FER: variants seen among roughly 807,000 people sequenced by gnomAD.
The protein encoded by FER is tyrosine-protein kinase Fer.
A neutral mutation model predicts 111.0 loss-of-function variants in FER; 63 were observed. The observed-to-expected ratio is 0.57, with a 90% CI of 0.46 to 0.70. The LOEUF is 0.70. FER is among the 30% of genes least tolerant of loss of function. FER has a pLI of 0.00. For synonymous variants in FER, 327 were observed against 313.9 expected (o/e 1.04, Z -0.44); for missense variants, 914 against 954.0 (o/e 0.96, Z 0.55).
At chr5:108,813,888 CT>C (rs1040042629) in intron 3 of FER, among the ~76,000 whole-genome samples, 2 of 152,104 alleles carry the variant, frequency 1.3e-5, no homozygotes, top group Admixed American at 6.5e-5. Flanking sequence ...CAAAACTCAA[CT>C]TTTCCTTTTG....
intron 5 of FER, among the ~76,000 whole-genome samples, chr5:108,844,992 GTGTGTA>G (rs1188750838): frequency 4.1e-3 from 158 of 38,182 alleles, no homozygotes; most frequent in South Asian, 6.7e-3. Flanking sequence ...TGGTGTGTGT[GTGTGTA>G]TATATATATA....
intron 3 of FER, among the ~76,000 whole-genome samples, chr5:108,800,260 TTC>T (rs1756491946): frequency 1.3e-5 from 2 of 152,366 alleles, no homozygotes; most frequent in South Asian, 4.1e-4. Context: ...GTCACATAGT[TTC>T]TGTTTTCTTT....
At chr5:108,822,940 G>A (rs546762052) in intron 3 of FER, among the ~76,000 whole-genome samples, 79 of 151,996 alleles carry the variant, frequency 5.2e-4, no homozygotes, top group African/African-American at 1.7e-3. Context: ...GCGCCATCTC[G>A]GCTCACTGCA....
chr5:109,079,835 A>G lies in FER; in HGVS notation c.1925-20561A>G, dbSNP rs574734842. ...GCTGTCAGACATCATAGCCAAGCCAATGCCAACCCCACAGTTCTCTCCTAA... is the reference window on the plus strand; with the variant it reads ...GCTGTCAGACATCATAGCCAAGCCAGTGCCAACCCCACAGTTCTCTCCTAA... On this transcript the variant is annotated intron_variant, in intron 16 of 19. Coordinates refer to ENST00000281092, the MANE Select transcript of FER (RefSeq NM_005246.4). 2.0e-5 allele frequency among the ~76,000 whole-genome samples: 3 copies of G among 152,250 alleles called. No individual in the cohort carries two copies. In the South Asian group the frequency reaches 6.2e-4, roughly 32 times the overall value.
intron 2 of FER, among the ~76,000 whole-genome samples, chr5:108,793,878 T>C (rs1052178708): frequency 2.0e-5 from 3 of 152,204 alleles, no homozygotes; most frequent in Admixed American, 6.5e-5. Flanking sequence ...GTTAACATGA[T>C]TGTATAAACA....
chr5:108,921,107 A>C (rs933337931), intron 10 of FER, among the ~76,000 whole-genome samples: 1 of 152,102 alleles, frequency 6.6e-6, no homozygotes, highest in Non-Finnish European at 1.5e-5. Context: ...ATCTCTGACT[A>C]CTTCAGCTGT....
intron 5 of FER, among the ~76,000 whole-genome samples, chr5:108,856,254 A>C (rs1051329073): frequency 6.6e-6 from 1 of 152,176 alleles, no homozygotes. Flanking sequence ...AATGGGGTTC[A>C]CAGACTCCCT....
chr5:108,994,139 A>G (rs1050242803), intron 13 of FER, among the ~76,000 whole-genome samples: 10 of 152,088 alleles, frequency 6.6e-5, no homozygotes, highest in Admixed American at 2.0e-4. Flanking sequence ...TAGATCCCAT[A>G]TGTCAGTTTT....
At chr5:109,075,066 A>G (rs556074039) in intron 16 of FER, among the ~76,000 whole-genome samples, 1 of 152,294 alleles carries the variant, frequency 6.6e-6, no homozygotes, top group East Asian at 1.9e-4. Flanking sequence ...CTGTGTGTAT[A>G]TATCTTAGCT....
chr5:109,108,368 T>A (rs973795763), intron 17 of FER, among the ~76,000 whole-genome samples: 1 of 152,188 alleles, frequency 6.6e-6, no homozygotes, highest in Non-Finnish European at 1.5e-5. Flanking sequence ...TCTTCCCTTT[T>A]GTGAAGATGA....
chr5:109,034,276 CT>C (rs1262168141), intron 13 of FER, among the ~76,000 whole-genome samples: 1 of 152,150 alleles, frequency 6.6e-6, no homozygotes, highest in Non-Finnish European at 1.5e-5. Context: ...TGAAATTCAA[CT>C]TTGATATGAC....
intron 4 of FER, among the ~76,000 whole-genome samples, chr5:108,833,905 G>A (rs963716054): frequency 3.6e-4 from 55 of 151,698 alleles, no homozygotes; most frequent in African/African-American, 1.1e-3. Flanking sequence ...CTACAATACC[G>A]TTAATTTGCC....
At chr5:109,164,665 T>A (rs115914590) in intron 17 of FER, among the ~76,000 whole-genome samples, 1,579 of 152,296 alleles carry the variant, frequency 0.01, 23 homozygotes, top group African/African-American at 0.036. Context: ...TTTAGAAATA[T>A]GGTTCCTTTT....
At chr5:109,173,280 A>C (rs954496376) in intron 17 of FER, among the ~76,000 whole-genome samples, 1 of 152,152 alleles carries the variant, frequency 6.6e-6, no homozygotes, top group South Asian at 2.1e-4. Context: ...TCAGGCAACA[A>C]CTTGGTTGTT....
intron 9 of FER, among the ~76,000 whole-genome samples, chr5:108,895,517 A>C (rs1748948241): frequency 6.6e-6 from 1 of 152,122 alleles, no homozygotes; most frequent in South Asian, 2.1e-4. Context: ...TCCTCATTAC[A>C]TCACTCTTGG....
chr5:108,800,534 A>G lies in FER; in HGVS notation c.207+2145A>G, dbSNP rs571010442. Among the ~76,000 whole-genome samples, 15 of 152,064 alleles carry G rather than the reference A, an allele frequency of 9.9e-5. No homozygotes were observed. In the East Asian group the frequency reaches 2.9e-3, roughly 29 times the overall value. ...ACTGGCTAATTTTATTTTTTATTTT[A>G]TAGAAACGGGGTCTCAGTATATTGC... On this transcript the variant is annotated intron_variant, in intron 3 of 19. Transcript: ENST00000281092.
intron 10 of FER, among the ~76,000 whole-genome samples, chr5:108,899,288 T>A (rs1413673925): frequency 6.6e-6 from 1 of 152,194 alleles, no homozygotes; most frequent in East Asian, 1.9e-4. Flanking sequence ...TTCACTGTCC[T>A]AGCTATAAGG....
At chr5:109,004,728 C>G (rs1422296510) in intron 13 of FER, among the ~76,000 whole-genome samples, 2 of 152,000 alleles carry the variant, frequency 1.3e-5, no homozygotes, top group Non-Finnish European at 2.9e-5. Flanking sequence ...TTATAATGTA[C>G]TACTGTTATA....
chr5:108,759,143 T>A (rs1751437890), intron 1 of FER, among the ~76,000 whole-genome samples: 1 of 152,196 alleles, frequency 6.6e-6, no homozygotes, highest in Non-Finnish European at 1.5e-5. Context: ...CAGTTTTCAG[T>A]GATAGAAGGA....
Sources: gnomAD v4.1 joint callset for allele counts (sites outside exome capture counted in the v4.1 genomes callset) on GRCh38, gnomAD v4.1.1 for gene constraint, MANE v1.5 for transcripts, NCBI Gene and HGNC (gene_info 2026-07-23, HGNC 2026-07-21) for gene names.